Variants in SLC44A4 observed in about 807,000 individuals in gnomAD.
The protein encoded by SLC44A4 is choline transporter-like protein 4.
Under a neutral mutation model 97.0 loss-of-function variants are expected in SLC44A4, and 74 were observed. The observed-to-expected ratio is 0.76, with a 90% CI of 0.63 to 0.93. The LOEUF (loss-of-function observed/expected upper bound fraction) is 0.93. Ranked by LOEUF, SLC44A4 falls within the 40% of genes least tolerant of loss-of-function variation. SLC44A4 has a pLI of 0.00. For synonymous variants in SLC44A4, 325 were observed against 363.8 expected, an observed-to-expected ratio of 0.89 and a Z score of 1.21; for missense variants, 799 against 902.9, an observed-to-expected ratio of 0.88 and a Z score of 1.48.
intron 8 of SLC44A4, 36 bp from the exon 9 acceptor site, chr6:31,871,433 G>A: frequency 6.2e-7 from 1 of 1,613,406 alleles, no homozygotes. Context: ...GGCTGTGGGT[G>A]GAAGGGGTGT....
chr6:31,867,009 A>G (rs1762905003), intron 13 of SLC44A4, among the ~76,000 whole-genome samples: 1 of 152,204 alleles, frequency 6.6e-6, no homozygotes. Flanking sequence ...ACTTTTGCAT[A>G]TGTTTAAAAA....
At chr6:31,867,680 C>G (rs370786488) in intron 13 of SLC44A4, among the ~76,000 whole-genome samples, 1 of 151,076 alleles carries the variant, frequency 6.6e-6, no homozygotes. Flanking sequence ...GAGCCATGAT[C>G]GCATCACTGC....
Position 31,876,922 on chromosome 6 carries a change from TTC to T in SLC44A4, c.89+110_89+111del. ...GGCACCACCCATCTGGGGCAGGAGTTTCTCTTTTTCACAAGTTTCCTACTAAT... is the reference window on the plus strand; with the variant it reads ...GGCACCACCCATCTGGGGCAGGAGTTTCTTTTTCACAAGTTTCCTACTAAT... On this transcript the variant is annotated intron_variant, in intron 2 of 20. Transcript: ENST00000229729. The surrounding 1 kb of genome is among the most constrained non-coding windows in gnomAD (Gnocchi z 4.8). The T allele has an allele frequency of 8.6e-6, 10 of 1,156,438 alleles. 1 individual carries two copies. Among genetic ancestry groups the T allele is most frequent in the South Asian group, 1.5e-5 (1 of 65,576 alleles). The allele number at this position is 1,156,438 out of a possible 1,614,324, so 71.6% of individuals were successfully genotyped here.
rs1035962271 is a variant in SLC44A4, at chr6:31,865,112, A to C, written c.1761-32T>G. On this transcript the variant is annotated intron_variant, in intron 17 of 20. Coordinates refer to ENST00000229729, the MANE Select transcript of SLC44A4 (RefSeq NM_025257.3). The surrounding 1 kb of genome is among the most constrained non-coding windows in gnomAD (Gnocchi z 5.2). Reference sequence around the variant, plus strand: ...CAGAAGTTAGGGCAGGTTGAGGGTGAGAGGCCTGGCAATGCTGAGAGTGAA... The same window carrying C: ...CAGAAGTTAGGGCAGGTTGAGGGTGCGAGGCCTGGCAATGCTGAGAGTGAA... 2 of 1,611,052 alleles carry C rather than the reference A, an allele frequency of 1.2e-6. No individual in the cohort carries two copies. The highest frequency in any genetic ancestry group is 1.7e-6 in the Non-Finnish European group (2 of 1,178,002).
intron 7 of SLC44A4, 121 bp from the exon 8 acceptor site, chr6:31,871,682 A>G (rs757790389): frequency 2.4e-4 from 174 of 714,402 alleles, no homozygotes; most frequent in Admixed American, 1.7e-3. Context: ...TGCATCCCTC[A>G]GTGGGCTGCT....
At position 31,864,898 on chromosome 6, in the gene SLC44A4, A is replaced by G. The variant is rs1344988373; in HGVS notation, c.1844T>C (p.Phe615Ser). ...LVVGGVGVLS[F>S]FFFSGRIPGL... Reference sequence around the variant, plus strand: ...CGGGATGCGACCGGAGAAAAAAAAGAAGGACAGGACCCCTGTGGAATAATT... The same window carrying G: ...CGGGATGCGACCGGAGAAAAAAAAGGAGGACAGGACCCCTGTGGAATAATT... The change falls in exon 19 of 21, where the codon TTC (phenylalanine) becomes TCC (serine). Residue 615 changes from phenylalanine (F) to serine (S), a missense_variant. Coordinates refer to ENST00000229729, the MANE Select transcript of SLC44A4 (RefSeq NM_025257.3). The G allele has an allele frequency of 1.9e-6, 3 of 1,613,692 alleles. No individual in the cohort carries two copies. The highest frequency in any genetic ancestry group is 2.7e-5 in the African/African-American group (2 of 74,828).
At position 31,875,894 on chromosome 6, in the gene SLC44A4, G is replaced by C; in HGVS notation, c.200C>G (p.Pro67Arg). Residue 67 changes from proline to arginine, a missense_variant, in exon 4 of 21, where the codon CCC (proline) becomes CGC (arginine). By Grantham distance (103) the Pro-to-Arg change is moderately radical (BLOSUM62 -2). Coordinates refer to ENST00000229729, the MANE Select transcript of SLC44A4 (RefSeq NM_025257.3). ...LYGDPRQVLY[P>R]RNSTGAYCGM... ...ACAGTAGGCCCCAGTAGAGTTCCTG[G>C]GGTAGAGGACTTGCCGGGGGTCTCC... 1.2e-6 allele frequency: 2 copies of C among 1,613,554 alleles called. No individual in the cohort carries two copies. The highest frequency in any genetic ancestry group is 1.7e-6 in the Non-Finnish European group (2 of 1,179,846).
Position 31,874,767 on chromosome 6 carries a change from T to C in SLC44A4, c.422A>G (p.Tyr141Cys), listed in dbSNP as rs747620646. The C allele has an allele frequency of 9.9e-6, 16 of 1,613,960 alleles. No homozygotes were observed. Among genetic ancestry groups the C allele is most frequent in the Non-Finnish European group, 1.4e-5 (16 of 1,179,986 alleles). ...EFSQTVGEVFYTKNRNFCLPG... is the reference protein window; with the variant it reads ...EFSQTVGEVFCTKNRNFCLPG... Reference sequence around the variant, plus strand: ...CAGACAAAAGTTCCTGTTTTTTGTATAGAAGACTTCCCCAACAGTCTGTGA... The same window carrying C: ...CAGACAAAAGTTCCTGTTTTTTGTACAGAAGACTTCCCCAACAGTCTGTGA... Residue 141 changes from tyrosine to cysteine, a missense_variant, in exon 6 of 21, where the codon TAT (tyrosine) becomes TGT (cysteine). Physicochemically the swap from Tyr to Cys is radical, Grantham distance 194 (BLOSUM62 -2). Coordinates refer to ENST00000229729, the MANE Select transcript of SLC44A4 (RefSeq NM_025257.3). The surrounding 1 kb of genome is among the most constrained non-coding windows in gnomAD (Gnocchi z 4.8).
At position 31,863,861 on chromosome 6, in the gene SLC44A4, C is replaced by T. The variant is rs565931311; in HGVS notation, c.2012-113G>A. ...CAAGCTGCACCACCACCCTTACCCC[C>T]GGGCAGGTTATGTAATCTCAGTTTC... On this transcript the variant is annotated intron_variant, in intron 20 of 20. Transcript: ENST00000229729. 6 of 1,420,196 alleles carry T rather than the reference C, an allele frequency of 4.2e-6. No homozygotes were observed. In the African/African-American group the frequency reaches 5.7e-5, roughly 14 times the overall value. The allele number at this position is 1,420,196 out of a possible 1,614,324, so 88.0% of individuals were successfully genotyped here. A position where few individuals can be genotyped will look rare whatever the true frequency, so the allele number is the denominator to read the frequency against.
intron 7 of SLC44A4, among the ~76,000 whole-genome samples, chr6:31,872,732 C>G (rs1440826021): frequency 6.6e-6 from 1 of 152,162 alleles, no homozygotes; most frequent in Non-Finnish European, 1.5e-5. Flanking sequence ...AAACAAGGTT[C>G]AGAGAGGTTG....
intron 13 of SLC44A4, among the ~76,000 whole-genome samples, chr6:31,866,543 G>A (rs750181697): frequency 6.6e-6 from 1 of 152,176 alleles, no homozygotes; most frequent in Non-Finnish European, 1.5e-5. Flanking sequence ...CCATCTCGAT[G>A]CATGTACAGG....
Position 31,878,828 on chromosome 6 carries a change from A to G in SLC44A4, c.40+113T>C, listed in dbSNP as rs1581861961. 5.4e-6 allele frequency: 7 copies of G among 1,296,906 alleles called. No individual in the cohort carries two copies. The East Asian group carries it at 1.6e-4, about 30-fold the overall frequency. 80.3% of individuals were successfully genotyped at this position (1,296,906 alleles called of 1,614,324 possible). On this transcript the variant is annotated intron_variant, in intron 1 of 20. Transcript: ENST00000229729. The surrounding 1 kb of genome is among the most constrained non-coding windows in gnomAD (Gnocchi z 4.0). ...CTCCCGGTTCCCGGGCCCTCCCCTC[A>G]GGGACACAGTACTCTCCTTAGTTCC...
rs141310287 is a variant in SLC44A4 at position 31,863,524 on chromosome 6, C to G, written c.*103G>C. 7 of 1,473,040 alleles carry G rather than the reference C, an allele frequency of 4.8e-6. No individual in the cohort carries two copies. The East Asian group carries it at 1.8e-4, about 37-fold the overall frequency. The allele number at this position is 1,473,040 out of a possible 1,614,324, so 91.2% of individuals were successfully genotyped here. Reference sequence around the variant, plus strand: ...ACAGGCGTGAGCCACGGCGCCTGGCCTAAAACCTTTTTTTACCACAAAATG... The same window carrying G: ...ACAGGCGTGAGCCACGGCGCCTGGCGTAAAACCTTTTTTTACCACAAAATG... On this transcript the variant is annotated 3_prime_UTR_variant, in exon 21 of 21. Transcript: ENST00000229729.
At chr6:31,875,756 G>T in intron 4 of SLC44A4, 96 bp downstream of exon 4, 1 of 1,114,786 alleles carries the variant, frequency 9.0e-7, no homozygotes, top group Non-Finnish European at 1.3e-6. Flanking sequence ...GGCTGTGGAA[G>T]AGCACGGACA....
chr6:31,866,865 GCC>G (rs1762898874), intron 13 of SLC44A4, among the ~76,000 whole-genome samples: 1 of 150,992 alleles, frequency 6.6e-6, no homozygotes, highest in Non-Finnish European at 1.5e-5. Context: ...CTGCACTCCA[GCC>G]TGGGAGACAA....
chr6:31,872,885 A>T (rs111975965), intron 7 of SLC44A4, among the ~76,000 whole-genome samples: 5,467 of 143,466 alleles, frequency 0.038, 139 homozygotes, highest in South Asian at 0.1. Flanking sequence ...AAATTGTCTA[A>T]TTTTTTTTTT....
Position 31,874,326 on chromosome 6 carries a change from G to T in SLC44A4, c.529+134C>A. The T allele has an allele frequency of 1.1e-6, 1 of 925,622 alleles. No individual in the cohort carries two copies. Among genetic ancestry groups the T allele is most frequent in the Non-Finnish European group, 1.7e-6 (1 of 580,250 alleles). The allele number at this position is 925,622 out of a possible 1,614,324, so 57.3% of individuals were successfully genotyped here. A position where few individuals can be genotyped will look rare whatever the true frequency, so the allele number is the denominator to read the frequency against. On this transcript the variant is annotated intron_variant, in intron 7 of 20. Transcript: ENST00000229729. This position sits in a 1 kb window ranked among gnomAD's most constrained non-coding sequence, Gnocchi z 4.8. ...AAGGCCACATAACAAAGAGCAAAATGAAGACCTGATGCTAATTCCAATTTT... is the reference window on the plus strand; with the variant it reads ...AAGGCCACATAACAAAGAGCAAAATTAAGACCTGATGCTAATTCCAATTTT...
At chr6:31,866,221 G>C in intron 13 of SLC44A4, 95 bp from the exon 14 acceptor site, 1 of 1,471,086 alleles carries the variant, frequency 6.8e-7, no homozygotes, top group Non-Finnish European at 9.2e-7. Flanking sequence ...GCCCCTCCCA[G>C]AGTTGACAGG....
chr6:31,878,982 G>A lies in SLC44A4; in HGVS notation c.-2C>T, dbSNP rs1237151507. The A allele has an allele frequency of 9.9e-6, 16 of 1,613,312 alleles. No homozygotes were observed. Among genetic ancestry groups the A allele is most frequent in the Non-Finnish European group, 1.3e-5 (15 of 1,179,886 alleles). The stretch of plus-strand genomic sequence containing the variant: ...CTCGTCCCGCTGCTTTCCCCCCATG[G>A]CTCAGTCTCCGGAGTGATTGGAGCC... On this transcript the variant is annotated 5_prime_UTR_variant, in exon 1 of 21. Transcript: ENST00000229729. The surrounding 1 kb of genome is among the most constrained non-coding windows in gnomAD (Gnocchi z 4.0).
Sources: allele counts gnomAD v4.1 joint callset (sites outside exome capture counted in the v4.1 genomes callset), GRCh38; gene constraint gnomAD v4.1.1; non-coding constraint Gnocchi (gnomAD v3.1); transcripts MANE v1.5; gene names NCBI Gene and HGNC (gene_info 2026-07-23, HGNC 2026-07-21).